Variants in ZNF83 observed in about 807,000 individuals in gnomAD.
ZNF83 encodes zinc finger protein 816B.
For missense variants in ZNF83, 552 were observed against 629.9 expected, an observed-to-expected ratio of 0.88 and a Z score of 1.32; for synonymous variants, 209 against 213.0, an observed-to-expected ratio of 0.98 and a Z score of 0.17.
At chr19:52,646,401 T>A (rs2061372905) in intron 3 of ZNF83, among the ~76,000 whole-genome samples, 1 of 151,826 alleles carries the variant, frequency 6.6e-6, no homozygotes, top group African/African-American at 2.4e-5. Flanking sequence ...ACAACAAAAC[T>A]AGCTGGGATT....
intron 1 of ZNF83, among the ~76,000 whole-genome samples, chr19:52,674,899 G>A (rs58391974): frequency 0.13 from 19,951 of 152,076 alleles, 1,357 homozygotes; most frequent in Middle Eastern, 0.16. Context: ...ACAAAAAACC[G>A]GCTGGGAAAA....
chr19:52,619,914 G>C (rs1424466050), intron 2 of ZNF83, among the ~76,000 whole-genome samples: 1 of 152,064 alleles, frequency 6.6e-6, no homozygotes, highest in Non-Finnish European at 1.5e-5. Flanking sequence ...GCTGGGCATG[G>C]TGGCAGGCAT....
chr19:52,613,734 T>C (rs1401950915), exon 3 of ZNF83: 1 of 1,362,386 alleles, frequency 7.3e-7, no homozygotes, highest in Non-Finnish European at 9.5e-7. Context: ...TCTGATGTTG[T>C]GCAAGGTGTG....
At chr19:52,681,280 C>CAAAAAAAAAAAAAAAAAAAAAAA (rs56916405) in intron 1 of ZNF83, among the ~76,000 whole-genome samples, 6 of 75,440 alleles carry the variant, frequency 8.0e-5, no homozygotes, top group African/African-American at 2.8e-4. Flanking sequence ...GAGACTTTCT[C>CAAAAAAAAAAAAAAAAAAAAAAA]AAAAAAAAAA....
chr19:52,649,451 T>C (rs1023575161), intron 3 of ZNF83, among the ~76,000 whole-genome samples: 2 of 152,100 alleles, frequency 1.3e-5, no homozygotes, highest in Admixed American at 1.3e-4. Flanking sequence ...GGAACGTAAA[T>C]ACCTATCCAG....
intron 1 of ZNF83, among the ~76,000 whole-genome samples, chr19:52,680,834 G>A (rs916186769): frequency 1.3e-5 from 2 of 150,202 alleles, no homozygotes; most frequent in East Asian, 2.0e-4. Flanking sequence ...GGATGGTCTC[G>A]ATCTCCTGAC....
intron 2 of ZNF83, among the ~76,000 whole-genome samples, chr19:52,631,858 T>C (rs1322501427): frequency 6.6e-6 from 1 of 152,074 alleles, no homozygotes; most frequent in Admixed American, 6.6e-5. Context: ...TTCCTTTCCA[T>C]CGTGGAAATC....
intron 2 of ZNF83, among the ~76,000 whole-genome samples, chr19:52,626,777 C>G (rs376812751): frequency 3.3e-5 from 5 of 152,098 alleles, no homozygotes; most frequent in Non-Finnish European, 5.9e-5. Flanking sequence ...TAATCTCACT[C>G]GAAGCAACCC....
chr19:52,620,952 A>ACTTTCCACTGCTTATCC (rs1373597473), intron 2 of ZNF83, among the ~76,000 whole-genome samples: 2 of 152,134 alleles, frequency 1.3e-5, no homozygotes, highest in African/African-American at 4.8e-5. Context: ...TTTAATTGTA[A>ACTTTCCACTGCTTATCC]CTTTCCACTG....
intron 1 of ZNF83, among the ~76,000 whole-genome samples, chr19:52,682,872 GTCTC>G (rs1014453598): frequency 6.6e-6 from 1 of 151,934 alleles, no homozygotes; most frequent in African/African-American, 2.4e-5. Flanking sequence ...TTCTCTCTCT[GTCTC>G]TCTTTTTTTT....
At chr19:52,668,854 C>G (rs1163892096) in intron 1 of ZNF83, among the ~76,000 whole-genome samples, 1 of 152,146 alleles carries the variant, frequency 6.6e-6, no homozygotes, top group African/African-American at 2.4e-5. Flanking sequence ...TTCCAGGATT[C>G]TACATCCTGG....
At chr19:52,613,126 G>C in exon 3 of ZNF83, 1 of 1,614,062 alleles carries the variant, frequency 6.2e-7, no homozygotes, top group Non-Finnish European at 8.5e-7. Context: ...TTTCTCTCCA[G>C]TGTGGATCGC....
intron 2 of ZNF83, among the ~76,000 whole-genome samples, chr19:52,630,985 A>G (rs962491093): frequency 7.4e-5 from 11 of 148,488 alleles, no homozygotes; most frequent in Admixed American, 4.1e-4. Context: ...TATCCTCAGT[A>G]CCTGCCTCTA....
intron 1 of ZNF83, 145 bp from the exon 2 acceptor site, chr19:52,635,298 G>T: frequency 2.3e-6 from 1 of 441,960 alleles, no homozygotes; most frequent in Non-Finnish European, 4.0e-6. Context: ...AACTCCTACA[G>T]GAAAACTCCC....
intron 2 of ZNF83, among the ~76,000 whole-genome samples, chr19:52,630,178 C>A (rs1568545848): frequency 6.6e-6 from 1 of 152,212 alleles, no homozygotes; most frequent in Non-Finnish European, 1.5e-5. Flanking sequence ...ACTCCCAGAG[C>A]CCCTGGAACG....
intron 1 of ZNF83, chr19:52,637,116 A>G (rs1568554003): frequency 6.7e-6 from 1 of 149,684 alleles, no homozygotes; most frequent in South Asian, 2.1e-4. Flanking sequence ...TCTTCCCTCT[A>G]TTCCTTCTCT....
intron 2 of ZNF83, chr19:52,618,717 T>TA: frequency 1.1e-6 from 1 of 897,728 alleles, no homozygotes. Context: ...TTTTAAGCCT[T>TA]CTTTACTTCT....
At chr19:52,643,821 G>C (rs1461042016) in intron 3 of ZNF83, among the ~76,000 whole-genome samples, 2 of 152,178 alleles carry the variant, frequency 1.3e-5, no homozygotes, top group Admixed American at 6.5e-5. Context: ...GAGGAGAAAG[G>C]GACAGTGCTG....
At chr19:52,618,504 C>T (rs113063121) in intron 2 of ZNF83, 63,394 of 172,606 alleles carry the variant, frequency 0.37, 11,987 homozygotes, top group Middle Eastern at 0.48. Context: ...CCTTGTGATC[C>T]GCCCTCATCA....
Sources: allele counts gnomAD v4.1 joint callset (sites outside exome capture counted in the v4.1 genomes callset), GRCh38; gene constraint gnomAD v4.1.1; transcripts MANE v1.5; gene names NCBI Gene and HGNC (gene_info 2026-07-23, HGNC 2026-07-21).